The following TENM3 variants were observed in gnomAD, a reference collection of about 807,000 sequenced individuals.
TENM3 encodes teneurin-3.
In TENM3, 63 loss-of-function variants were observed where a neutral mutation model predicts 255.1. The observed-to-expected ratio is 0.25, with a 90% CI of 0.20 to 0.30. TENM3 has a LOEUF of 0.30. Ranked by LOEUF, TENM3 falls within the 10% of genes least tolerant of loss-of-function variation. The pLI is 1.00. For missense variants in TENM3, 2,929 were observed against 3,461.1 expected, an observed-to-expected ratio of 0.85 and a Z score of 3.86; for synonymous variants, 1,306 against 1,322.3, an observed-to-expected ratio of 0.99 and a Z score of 0.27.
the TENM3 span, among the ~76,000 whole-genome samples, chr4:181,973,437 T>C: frequency 6.6e-6 from 1 of 152,146 alleles, no homozygotes; most frequent in South Asian, 2.1e-4. Context: ...GGAGACGGAA[T>C]GCTGTTTTAA....
intron 1 of TENM3, among the ~76,000 whole-genome samples, chr4:182,313,176 T>C (rs1546633): frequency 0.012 from 1,884 of 152,134 alleles, 93 homozygotes; most frequent in Admixed American, 0.085. Flanking sequence ...AAATTTTTAA[T>C]GCATTGATGA....
chr4:182,250,242 C>T lies in TENM3; in HGVS notation c.-76+6766C>T, dbSNP rs562776871. Among the ~76,000 whole-genome samples, 7 of 151,714 alleles carry T rather than the reference C, an allele frequency of 4.6e-5. No individual in the cohort carries two copies. In the East Asian group the frequency reaches 7.8e-4, roughly 17 times the overall value. ...TACTTTTTTGTATTTTTAGTAGAGA[C>T]GGGGTTTCACTGTGTTAGCCAGGAT... On this transcript the variant is annotated intron_variant, in intron 1 of 27. Transcript: ENST00000511685.
At chr4:181,631,361 C>T in the TENM3 span, among the ~76,000 whole-genome samples, 1 of 152,062 alleles carries the variant, frequency 6.6e-6, no homozygotes, top group Non-Finnish European at 1.5e-5. Flanking sequence ...ACAATCTTGG[C>T]TCACCGTAAC....
chr4:181,545,717 G>T, the TENM3 span, among the ~76,000 whole-genome samples: 3 of 152,058 alleles, frequency 2.0e-5, no homozygotes, highest in South Asian at 2.1e-4. Flanking sequence ...TAAAATTAAA[G>T]ATATTTTTAA....
At chr4:181,838,399 T>A in the TENM3 span, among the ~76,000 whole-genome samples, 1 of 152,208 alleles carries the variant, frequency 6.6e-6, no homozygotes, top group African/African-American at 2.4e-5. Flanking sequence ...TTAATATACT[T>A]TTTTGTCGAG....
At chr4:181,964,348 C>T in the TENM3 span, among the ~76,000 whole-genome samples, 5 of 152,246 alleles carry the variant, frequency 3.3e-5, no homozygotes, top group East Asian at 1.9e-4. Context: ...CTTCAATCTC[C>T]GGTAAGCTAC....
intron 1 of TENM3, among the ~76,000 whole-genome samples, chr4:182,318,820 T>C (rs1762889613): frequency 6.6e-6 from 1 of 152,194 alleles, no homozygotes; most frequent in Admixed American, 6.5e-5. Flanking sequence ...TGGGCTGGAG[T>C]GCAGTGGCAT....
chr4:182,679,286 A>C (rs146131725), intron 7 of TENM3, among the ~76,000 whole-genome samples: 1 of 152,328 alleles, frequency 6.6e-6, no homozygotes, highest in East Asian at 1.9e-4. Context: ...ATTATATATC[A>C]ATTATGAATT....
the TENM3 span, among the ~76,000 whole-genome samples, chr4:182,095,307 C>A: frequency 6.6e-6 from 1 of 152,098 alleles, no homozygotes; most frequent in African/African-American, 2.4e-5. Context: ...CCGATAAAGA[C>A]AATGTGGTAC....
intron 12 of TENM3, among the ~76,000 whole-genome samples, chr4:182,705,600 C>T (rs922941600): frequency 1.3e-5 from 2 of 152,280 alleles, no homozygotes; most frequent in African/African-American, 2.4e-5. Context: ...CTATATAACC[C>T]GCTTGGTTTG....
At chr4:182,160,024 A>G (rs1308517585) in intron 1 of TENM3, among the ~76,000 whole-genome samples, 1 of 138,120 alleles carries the variant, frequency 7.2e-6, no homozygotes, top group Non-Finnish European at 1.7e-5. Context: ...TTTTTTTGAG[A>G]CGGAGTCTCG....
intron 1 of TENM3, among the ~76,000 whole-genome samples, chr4:182,149,244 T>G (rs1324688846): frequency 6.6e-6 from 1 of 152,024 alleles, no homozygotes; most frequent in Non-Finnish European, 1.5e-5. Flanking sequence ...ATTACCATTT[T>G]CAAAATGTTA....
At chr4:182,365,688 G>A (rs988831238) in intron 3 of TENM3, among the ~76,000 whole-genome samples, 24 of 152,204 alleles carry the variant, frequency 1.6e-4, no homozygotes, top group Non-Finnish European at 3.2e-4. Flanking sequence ...TCAATCCATA[G>A]AGTGTTGCAA....
intron 3 of TENM3, among the ~76,000 whole-genome samples, chr4:182,507,778 T>A (rs1736989354): frequency 6.6e-6 from 1 of 152,228 alleles, no homozygotes. Context: ...TCTATATAGT[T>A]ACTGTCTTTT....
the TENM3 span, among the ~76,000 whole-genome samples, chr4:181,609,175 A>G: frequency 6.6e-6 from 1 of 152,150 alleles, no homozygotes; most frequent in African/African-American, 2.4e-5. Flanking sequence ...TGAAACAGAA[A>G]AGGGGGTGAG....
rs919180914 is a variant in TENM3 at position 182,800,236 on chromosome 4, G to T, written c.7985G>T (p.Gly2662Val). Residue 2662 changes from glycine (G) to valine (V), a missense_variant, in exon 28 of 28, where the codon GGC becomes GTC. By Grantham distance (109) the Gly-to-Val change is moderately radical. Around this residue, in one of 6 missense-constraint regions of TENM3, gnomAD observed 476 missense variants for 480.1 expected, o/e 0.99. Transcript: ENST00000511685. Reference sequence around the variant, plus strand: ...GAGAAGCGGCAGCTGCTGAGCGCCGGCAAGGTGCAGGGCTACGACGGGTAC... The same window carrying T: ...GAGAAGCGGCAGCTGCTGAGCGCCGTCAAGGTGCAGGGCTACGACGGGTAC... ...EGEKRQLLSA[G>V]KVQGYDGYYV... The T allele has an allele frequency of 6.9e-6, 11 of 1,592,986 alleles. No homozygotes were observed. Among genetic ancestry groups the T allele is most frequent in the Non-Finnish European group, 9.3e-6 (11 of 1,177,834 alleles).
At chr4:182,665,606 C>G (rs28804727) in intron 6 of TENM3, among the ~76,000 whole-genome samples, 50,404 of 151,864 alleles carry the variant, frequency 0.33, 8,613 homozygotes, top group South Asian at 0.46. Flanking sequence ...AATTAAAAAC[C>G]TCCTGGAGGC....
chr4:181,767,180 A>C, the TENM3 span, among the ~76,000 whole-genome samples: 1 of 136,620 alleles, frequency 7.3e-6, no homozygotes, highest in Non-Finnish European at 1.5e-5. Flanking sequence ...TGAACCCGGG[A>C]GGCGGAGCTT....
At chr4:182,547,173 T>A (rs369330511) in intron 3 of TENM3, among the ~76,000 whole-genome samples, 3 of 152,182 alleles carry the variant, frequency 2.0e-5, no homozygotes, top group African/African-American at 7.2e-5. Flanking sequence ...CAAGCGTTTG[T>A]GTTTGCTTTA....
Sources: allele counts gnomAD v4.1 joint callset (sites outside exome capture counted in the v4.1 genomes callset), GRCh38; gene constraint gnomAD v4.1.1; regional missense constraint gnomAD v4.1.1; transcripts MANE v1.5; gene names NCBI Gene and HGNC (gene_info 2026-07-23, HGNC 2026-07-21).